KRT78: variants seen among roughly 807,000 people sequenced by gnomAD.
KRT78 encodes the protein keratin 78.
In KRT78, 55 loss-of-function variants were observed where a neutral mutation model predicts 51.4. The ratio of observed to expected loss-of-function variants is 1.07; its 90% CI spans 0.86 to 1.34. The LOEUF is 1.34. Ranked by LOEUF, KRT78 falls within the 40% of genes most tolerant of loss-of-function variation. KRT78 has a pLI of 0.00. For missense variants in KRT78, 652 were observed against 649.4 expected, an observed-to-expected ratio of 1.00 and a Z score of -0.04; for synonymous variants, 291 against 264.3, an observed-to-expected ratio of 1.10 and a Z score of -0.98.
rs570574090 is a variant in KRT78, at chr12:52,839,057, G to T, written c.*56C>A. On this transcript the variant is annotated 3_prime_UTR_variant, in exon 9 of 9. Coordinates refer to ENST00000304620, the MANE Select transcript of KRT78 (RefSeq NM_173352.4). ...GACACGGAGTTGGCCTTGCAGAGCC[G>T]GCTGATGGGGGGAGTGGGCCAAATG... is the stretch of plus-strand genomic sequence containing the variant. 1.3e-6 allele frequency: 2 copies of T among 1,572,896 alleles called. No homozygotes were observed. Among genetic ancestry groups the T allele is most frequent in the African/African-American group, 1.3e-5 (1 of 74,494 alleles).
Position 52,848,891 on chromosome 12 carries a change from C to G in KRT78, c.40G>C (p.Ala14Pro), listed in dbSNP as rs369107504. 2 of 1,592,210 alleles carry G rather than the reference C, an allele frequency of 1.3e-6. No individual in the cohort carries two copies. The highest frequency in any genetic ancestry group is 1.7e-6 in the Non-Finnish European group (2 of 1,171,124). The change falls in exon 1 of 9, where the codon GCT becomes CCT. Residue 14 changes from alanine (A) to proline (P), a missense_variant. Coordinates refer to ENST00000304620, the MANE Select transcript of KRT78 (RefSeq NM_173352.4). Reference sequence around the variant, plus strand: ...GAGCGAGCAGAACAGGCTGAGCGAGCGCTGAAGCCCCTCTGGGCCCGGCAT... The same window carrying G: ...GAGCGAGCAGAACAGGCTGAGCGAGGGCTGAAGCCCCTCTGGGCCCGGCAT... The part of the protein sequence containing the change: ...SPCRAQRGFS[A>P]RSACSARSRG...
At chr12:52,844,848 T>G (rs1230629708) in intron 4 of KRT78, 125 bp from the exon 5 acceptor site, 8 of 851,826 alleles carry the variant, frequency 9.4e-6, no homozygotes, top group Non-Finnish European at 1.4e-5. Context: ...CCCAGGTGGC[T>G]TTGAGTATGC....
At chr12:52,846,690 C>A (rs1046022122) in intron 3 of KRT78, 74 bp downstream of exon 3, 1 of 1,359,838 alleles carries the variant, frequency 7.4e-7, no homozygotes, top group African/African-American at 1.4e-5. Context: ...CACCTTTTCC[C>A]TCCCAGCCTA....
At chr12:52,842,962 G>GAGAGAGAGAGAGA (rs1565698736) in intron 6 of KRT78, among the ~76,000 whole-genome samples, 1 of 25,222 alleles carries the variant, frequency 4.0e-5, no homozygotes, top group African/African-American at 1.9e-4. Flanking sequence ...AGAGAGAGAG[G>GAGAGAGAGAGAGA]AAGGAAGGAA....
intron 3 of KRT78, 94 bp downstream of exon 3, chr12:52,846,670 C>T (rs941928273): frequency 1.8e-6 from 2 of 1,118,568 alleles, no homozygotes; most frequent in African/African-American, 1.6e-5. Flanking sequence ...TGTCCTAAAT[C>T]AGGACCTCCC....
chr12:52,847,293 C>T (rs7306540), intron 2 of KRT78, among the ~76,000 whole-genome samples: 11,505 of 152,162 alleles, frequency 0.076, 1,051 homozygotes, highest in East Asian at 0.21. Flanking sequence ...GTGACATTTC[C>T]CAAGTTTACA....
chr12:52,839,813 C>T lies in KRT78; in HGVS notation c.1219G>A (p.Asp407Asn). The change falls in exon 7 of 9, where the codon GAT becomes AAT. Residue 407 changes from aspartate to asparagine, a missense_variant. Coordinates refer to ENST00000304620, the MANE Select transcript of KRT78 (RefSeq NM_173352.4). The stretch of plus-strand genomic sequence containing the variant: ...CTGCGGTAAGTGGCAATCTCCACAT[C>T]CAGGGAAAGCTTCGTGCTCGTCAGC... ...QELTSTKLSL[D>N]VEIATYRRLL... is the part of the protein sequence containing the mutation. 1 of 1,614,062 alleles carries T rather than the reference C, an allele frequency of 6.2e-7. No individual in the cohort carries two copies. Among genetic ancestry groups the T allele is most frequent in the African/African-American group, 1.3e-5 (1 of 75,000 alleles).
At position 52,838,985 on chromosome 12, in the gene KRT78, T is replaced by C. The variant is rs1940408538; in HGVS notation, c.*128A>G. On this transcript the variant is annotated 3_prime_UTR_variant, in exon 9 of 9. Coordinates refer to ENST00000304620, the MANE Select transcript of KRT78 (RefSeq NM_173352.4). ...AGAACAGCAGGAGGGGAGACTTTAT[T>C]GATTTTTGCAGCATCCGCTGTGGGC... 1 of 1,114,088 alleles carries C rather than the reference T, an allele frequency of 9.0e-7. No individual in the cohort carries two copies. The highest frequency in any genetic ancestry group is 1.3e-6 in the Non-Finnish European group (1 of 790,942). The allele number at this position is 1,114,088 out of a possible 1,614,324, so 69.0% of individuals were successfully genotyped here.
intron 6 of KRT78, among the ~76,000 whole-genome samples, chr12:52,843,177 G>A (rs1457614513): frequency 6.6e-6 from 1 of 150,732 alleles, no homozygotes; most frequent in African/African-American, 2.4e-5. Flanking sequence ...GACCAGCCTG[G>A]CCAACATGGT....
intron 3 of KRT78, 82 bp from the exon 4 acceptor site, chr12:52,846,374 A>G: frequency 1.2e-6 from 1 of 844,976 alleles, no homozygotes; most frequent in South Asian, 1.4e-5. Context: ...CTGTTCATGC[A>G]CTGCTCAACA....
In KRT78 at chr12:52,844,672, T is replaced by C. The variant is rs1196117324; in HGVS notation, c.808A>G (p.Met270Val). 1.2e-6 allele frequency: 2 copies of C among 1,614,114 alleles called. No homozygotes were observed. Among genetic ancestry groups the C allele is most frequent in the South Asian group, 1.1e-5 (1 of 91,058 alleles). ...QASDTSVVLS[M>V]DNNRYLDFSS... Reference sequence around the variant, plus strand: ...AAGTCCAGGTAGCGGTTGTTGTCCATGGACAGCACCACAGACGTGTCGCTG... The same window carrying C: ...AAGTCCAGGTAGCGGTTGTTGTCCACGGACAGCACCACAGACGTGTCGCTG... The change falls in exon 5 of 9, where the codon ATG (methionine) becomes GTG (valine). Residue 270 changes from methionine to valine, a missense_variant. Coordinates refer to ENST00000304620, the MANE Select transcript of KRT78 (RefSeq NM_173352.4).
In KRT78 at chr12:52,846,902, C is replaced by T. The variant is rs1940657830; in HGVS notation, c.600-78G>A. 4 of 1,080,374 alleles carry T rather than the reference C, an allele frequency of 3.7e-6. No homozygotes were observed. In the East Asian group the frequency reaches 9.8e-5, roughly 26 times the overall value. 66.9% of individuals were successfully genotyped at this position (1,080,374 alleles called of 1,614,324 possible). On this transcript the variant is annotated intron_variant, in intron 2 of 8. Transcript: ENST00000304620. ...TGCCCCCATGTCCGAGCATGACCTC[C>T]CTGAAAAGGACTCCTTGCCTTAGAA...
In KRT78 at chr12:52,848,542, C is replaced by T. The variant is rs376166467; in HGVS notation, c.384+5G>A. On this transcript the variant is annotated splice_donor_5th_base_variant and intron_variant, in intron 1 of 8. Transcript: ENST00000304620. ...AGACAGGGGCTTGGCTGAGTTGACC[C>T]TCACCTTGTCAATGAAGGAAGCAAA... is the stretch of plus-strand genomic sequence containing the variant. The T allele has an allele frequency of 4.3e-6, 7 of 1,613,640 alleles. No individual in the cohort carries two copies. The highest frequency in any genetic ancestry group is 5.9e-6 in the Non-Finnish European group (7 of 1,179,750).
intron 3 of KRT78, 97 bp downstream of exon 3, chr12:52,846,667 A>C (rs1381354058): frequency 9.0e-6 from 10 of 1,106,246 alleles, no homozygotes; most frequent in African/African-American, 1.6e-5. Flanking sequence ...GCCTGTCCTA[A>C]ATCAGGACCT....
At position 52,844,106 on chromosome 12, in the gene KRT78, T is replaced by C. The variant is rs775775538; in HGVS notation, c.1034A>G (p.Asn345Ser). 5 of 1,612,862 alleles carry C rather than the reference T, an allele frequency of 3.1e-6. No individual in the cohort carries two copies. The South Asian group carries it at 4.4e-5, about 14-fold the overall frequency. The change falls in exon 6 of 9, where the codon AAC becomes AGC. Residue 345 changes from asparagine (N) to serine (S), a missense_variant. Physicochemically the swap from Asn to Ser is conservative, Grantham distance 46. Coordinates refer to ENST00000304620, the MANE Select transcript of KRT78 (RefSeq NM_173352.4). Reference protein sequence around the residue: ...EIQRLQSQTENLKKQNASLQA... With the variant: ...EIQRLQSQTESLKKQNASLQA... ...CTGGGAATCTACCTGCTTCTTGAGG[T>C]TCTCAGTCTGACTCTGCAGCCTCTG... is the stretch of plus-strand genomic sequence containing the variant.
intron 7 of KRT78, 99 bp from the exon 8 acceptor site, chr12:52,839,586 T>G: frequency 7.3e-7 from 1 of 1,367,414 alleles, no homozygotes; most frequent in African/African-American, 1.5e-5. Context: ...ACCCACCCTC[T>G]CAGCAGATAA....
chr12:52,839,350 G>A lies in KRT78; in HGVS notation c.1326C>T (p.Val442=). The part of the protein sequence containing the change: ...VTISSVGGSA[V]MSGGVGGGLG... ...AGCCTCCACCAACTCCTCCAGACAT[G>A]ACAGCGCTGCCTCCCACCGAGGCTG... Residue 442 remains valine (V), a synonymous_variant, in exon 9 of 9, where the codon GTC becomes GTT. Coordinates refer to ENST00000304620, the MANE Select transcript of KRT78 (RefSeq NM_173352.4). 6.2e-7 allele frequency: 1 copy of A among 1,613,674 alleles called. No individual in the cohort carries two copies. The highest frequency in any genetic ancestry group is 8.5e-7 in the Non-Finnish European group (1 of 1,179,910).
At chr12:52,842,959 G>GAGAGAGAGAGAGAGAGAGAAAGGAAGGA (rs1299063277) in intron 6 of KRT78, among the ~76,000 whole-genome samples, 1 of 53,724 alleles carries the variant, frequency 1.9e-5, no homozygotes, top group African/African-American at 1.2e-4. Flanking sequence ...GAGAGAGAGA[G>GAGAGAGAGAGAGAGAGAGAAAGGAAGGA]AGGAAGGAAG....
rs114041054 is a variant in KRT78, at chr12:52,848,911, C to G, written c.20G>C (p.Arg7Pro). The G allele has an allele frequency of 1.9e-6, 3 of 1,567,124 alleles. No homozygotes were observed. Among genetic ancestry groups the G allele is most frequent in the Non-Finnish European group, 2.6e-6 (3 of 1,158,512 alleles). Residue 7 changes from arginine to proline, a missense_variant, in exon 1 of 9, where the codon CGG becomes CCG. By Grantham distance (103) the Arg-to-Pro change is moderately radical. Transcript: ENST00000304620. Reference sequence around the variant, plus strand: ...GCGAGCGCTGAAGCCCCTCTGGGCCCGGCATGGGGAGAGAGACATGGCAGA... The same window carrying G: ...GCGAGCGCTGAAGCCCCTCTGGGCCGGGCATGGGGAGAGAGACATGGCAGA... MSLSPCRAQRGFSARSA... is the reference protein window; with the variant it reads MSLSPCPAQRGFSARSA...
Sources: allele counts gnomAD v4.1 joint callset (sites outside exome capture counted in the v4.1 genomes callset), GRCh38; gene constraint gnomAD v4.1.1; transcripts MANE v1.5; gene names NCBI Gene and HGNC (gene_info 2026-07-23, HGNC 2026-07-21).